NF1: variants seen among roughly 807,000 people sequenced by gnomAD.
The protein encoded by NF1 is neurofibromin.
In NF1, 122 loss-of-function variants were observed where a neutral mutation model predicts 325.7. The observed-to-expected ratio is 0.37, with a 90% CI of 0.32 to 0.44. The LOEUF (loss-of-function observed/expected upper bound fraction) is 0.44, where lower values mean the gene tolerates loss of function less well. NF1 is among the 20% of genes least tolerant of loss of function. The pLI, the probability that NF1 is intolerant of heterozygous loss-of-function variation, is 1.00. For missense variants in NF1, 2,140 were observed against 3,415.4 expected, an observed-to-expected ratio of 0.63 and a Z score of 9.31; for synonymous variants, 1,091 against 1,186.0, an observed-to-expected ratio of 0.92 and a Z score of 1.65.
intron 31 of NF1, among the ~76,000 whole-genome samples, chr17:31,255,427 AAC>A (rs763991279): frequency 3.7e-4 from 56 of 152,166 alleles, no homozygotes; most frequent in Non-Finnish European, 6.0e-4. Flanking sequence ...ATGAAAAAAA[AAC>A]AGTCCTTTTA....
intron 36 of NF1, chr17:31,296,259 T>C: frequency 1.2e-6 from 2 of 1,614,096 alleles, no homozygotes; most frequent in Middle Eastern, 1.6e-4. Context: ...AGAGGACAAA[T>C]GCATAAAATA....
intron 37 of NF1, among the ~76,000 whole-genome samples, chr17:31,326,806 T>C (rs751821755): frequency 3.9e-5 from 6 of 152,168 alleles, no homozygotes; most frequent in South Asian, 2.1e-4. Flanking sequence ...ATTCAAATTG[T>C]AGGAATGTGT....
At chr17:31,168,023 C>A (rs1228997138) in intron 4 of NF1, among the ~76,000 whole-genome samples, 2 of 151,980 alleles carry the variant, frequency 1.3e-5, no homozygotes, top group Non-Finnish European at 2.9e-5. Context: ...AAGTTTCATT[C>A]GTGTTTCAAA....
rs1597883082 is a variant in NF1 at position 31,374,080 on chromosome 17, C to T, written c.8445C>T (p.His2815=). The change falls in exon 58 of 58, where the codon CAC becomes CAT. Residue 2815 remains histidine (H), a synonymous_variant. Transcript: ENST00000358273. ...TGHCNSGRTR[H]GSASQVQKQR... is the part of the protein sequence containing the mutation. ...ACTGTAACAGTGGACGAACTCGCCA[C>T]GGATCCGCAAGCCAAGTGCAGAAGC... The T allele has an allele frequency of 3.7e-6, 6 of 1,614,082 alleles. No individual in the cohort carries two copies. The highest frequency in any genetic ancestry group is 4.2e-6 in the Non-Finnish European group (5 of 1,179,966).
At chr17:31,123,544 C>T (rs555698274) in intron 1 of NF1, among the ~76,000 whole-genome samples, 41 of 152,276 alleles carry the variant, frequency 2.7e-4, no homozygotes, top group Non-Finnish European at 5.4e-4. Context: ...CCTCAGCCTT[C>T]CTAGTGTTGG....
rs376197466 is a variant in NF1 at position 31,226,426 on chromosome 17, G to T, written c.2002-9G>T. 27 of 1,611,290 alleles carry T rather than the reference G, an allele frequency of 1.7e-5. No homozygotes were observed. The African/African-American group carries it at 3.4e-4, about 20-fold the overall frequency. On this transcript the variant is annotated splice_polypyrimidine_tract_variant and intron_variant, in intron 17 of 57. Transcript: ENST00000358273. ...TTGCAAATATATGTCTTCCACCCTT[G>T]ACTCTCAGGATAGTGCAGCAGGATG...
chr17:31,312,352 A>C (rs1468201084), intron 36 of NF1, among the ~76,000 whole-genome samples: 1 of 152,042 alleles, frequency 6.6e-6, no homozygotes, highest in Non-Finnish European at 1.5e-5. Flanking sequence ...TCTACTAAAA[A>C]TACAAAAAAT....
intron 5 of NF1, among the ~76,000 whole-genome samples, chr17:31,177,412 G>A (rs1489193098): frequency 7.7e-6 from 1 of 130,462 alleles, no homozygotes; most frequent in Non-Finnish European, 1.6e-5. Context: ...ACAAAAATGG[G>A]AAGAAACCAG....
chr17:31,356,403 T>G, intron 51 of NF1, 57 bp from the exon 52 acceptor site: 1 of 1,570,486 alleles, frequency 6.4e-7, no homozygotes, highest in Non-Finnish European at 8.8e-7. Flanking sequence ...TTTAGTGTAT[T>G]CCCATTTATA....
intron 29 of NF1, among the ~76,000 whole-genome samples, chr17:31,239,645 G>C (rs2067261124): frequency 6.6e-6 from 1 of 151,622 alleles, no homozygotes; most frequent in South Asian, 2.1e-4. Context: ...TTATTTTTTT[G>C]TGGGTACATA....
intron 36 of NF1, among the ~76,000 whole-genome samples, chr17:31,284,934 A>G (rs2068195812): frequency 6.6e-6 from 1 of 152,062 alleles, no homozygotes. Context: ...CAGCCTGCCA[A>G]CATGGCAAAA....
chr17:31,212,179 G>A (rs1266560314), intron 12 of NF1, among the ~76,000 whole-genome samples: 1 of 152,032 alleles, frequency 6.6e-6, no homozygotes, highest in Admixed American at 6.6e-5. Context: ...TTTAAGATCT[G>A]GGACACAAAC....
At chr17:31,363,123 G>A (rs2070434304) in intron 57 of NF1, among the ~76,000 whole-genome samples, 1 of 152,178 alleles carries the variant, frequency 6.6e-6, no homozygotes, top group Admixed American at 6.5e-5. Flanking sequence ...ATAGAGTTAA[G>A]TGGTATTGTG....
intron 29 of NF1, among the ~76,000 whole-genome samples, chr17:31,237,223 A>G (rs897837517): frequency 1.3e-5 from 2 of 152,194 alleles, no homozygotes; most frequent in Non-Finnish European, 2.9e-5. Context: ...TCCAGCACTA[A>G]GCCAATTTTT....
intron 36 of NF1, among the ~76,000 whole-genome samples, chr17:31,312,006 G>A (rs927873771): frequency 4.6e-5 from 7 of 151,716 alleles, no homozygotes; most frequent in South Asian, 2.1e-4. Context: ...AATTTGGAAT[G>A]GTTTCTATAA....
chr17:31,244,483 G>A (rs1427919473), intron 29 of NF1, among the ~76,000 whole-genome samples: 1 of 152,214 alleles, frequency 6.6e-6, no homozygotes, highest in East Asian at 1.9e-4. Flanking sequence ...TGGAACTCAG[G>A]TTTCAACAGC....
rs186065323 is a variant in NF1 at position 31,116,912 on chromosome 17, C to T, written c.60+21543C>T. Among the ~76,000 whole-genome samples the T allele has an allele frequency of 3.1e-3, 472 of 151,728 alleles. 3 individuals are homozygous for T. The highest frequency in any genetic ancestry group is 0.011 in the African/African-American group (453 of 41,338). On this transcript the variant is annotated intron_variant, in intron 1 of 57. Transcript: ENST00000358273. ...CAGGATGGTCTCGATCTCCTGACCT[C>T]GTGATTCACCTTCCTCGGCCTCCCA... is the stretch of plus-strand genomic sequence containing the variant.
At chr17:31,280,403 G>T (rs2068094128) in intron 36 of NF1, among the ~76,000 whole-genome samples, 1 of 150,312 alleles carries the variant, frequency 6.7e-6, no homozygotes, top group African/African-American at 2.4e-5. Context: ...TGTAATCCCA[G>T]CTACTCAGGA....
chr17:31,370,181 T>A (rs1055721021), intron 57 of NF1, among the ~76,000 whole-genome samples: 2 of 152,138 alleles, frequency 1.3e-5, no homozygotes, highest in Non-Finnish European at 2.9e-5. Flanking sequence ...AAACAAGAAT[T>A]TAGATGAAAA....
Sources: allele counts gnomAD v4.1 joint callset (sites outside exome capture counted in the v4.1 genomes callset), GRCh38; gene constraint gnomAD v4.1.1; transcripts MANE v1.5; gene names NCBI Gene and HGNC (gene_info 2026-07-23, HGNC 2026-07-21).